Variants in NRXN3 observed in about 807,000 individuals in gnomAD.
The protein encoded by NRXN3 is neurexin 3, also known as neurexin III.
NRXN3 carries 32 observed loss-of-function variants against 137.6 expected under a neutral mutation model. The observed-to-expected ratio is 0.23, with a 90% CI of 0.18 to 0.31. The LOEUF (loss-of-function observed/expected upper bound fraction) is 0.31, where lower values mean the gene tolerates loss of function less well. NRXN3 is among the 10% of genes least tolerant of loss of function. The probability of loss-of-function intolerance (pLI) is 1.00; values close to 1 mark genes in which losing one functional copy is unlikely to be tolerated. For synonymous variants in NRXN3, 798 were observed against 784.5 expected (o/e 1.02, Z -0.29); for missense variants, 1,574 against 2,062.5 (o/e 0.76, Z 4.59).
chr14:78,305,575 A>G (rs1198479501), intron 4 of NRXN3, among the ~76,000 whole-genome samples: 2 of 152,182 alleles, frequency 1.3e-5, no homozygotes, highest in Non-Finnish European at 2.9e-5. Flanking sequence ...TGGTAATAAC[A>G]TTAAGAAAGC....
intron 15 of NRXN3, among the ~76,000 whole-genome samples, chr14:79,152,666 A>G (rs1427624545): frequency 6.6e-6 from 1 of 151,948 alleles, no homozygotes; most frequent in East Asian, 1.9e-4. Flanking sequence ...AAACCATCAG[A>G]TATCTTGAGA....
At chr14:79,252,154 C>T (rs543908616) in intron 15 of NRXN3, among the ~76,000 whole-genome samples, 13 of 152,152 alleles carry the variant, frequency 8.5e-5, no homozygotes, top group Middle Eastern at 3.4e-3. Context: ...TTGTACATTC[C>T]GACGGGTTAA....
chr14:79,777,440 T>C (rs1474114871), intron 19 of NRXN3, among the ~76,000 whole-genome samples: 1 of 150,754 alleles, frequency 6.6e-6, no homozygotes, highest in Non-Finnish European at 1.5e-5. Context: ...TTTCAAACTG[T>C]AGTGCAAGAA....
intron 15 of NRXN3, among the ~76,000 whole-genome samples, chr14:79,340,473 T>C (rs1202607173): frequency 6.6e-6 from 1 of 152,170 alleles, no homozygotes; most frequent in Non-Finnish European, 1.5e-5. Flanking sequence ...TATGTATGTA[T>C]GTATGTTTTG....
intron 10 of NRXN3, among the ~76,000 whole-genome samples, chr14:78,867,689 T>C (rs1335583440): frequency 6.6e-6 from 1 of 152,154 alleles, no homozygotes; most frequent in African/African-American, 2.4e-5. Context: ...TCTGAAAACA[T>C]AGGGACACTG....
At chr14:79,738,956 G>A (rs2098951464) in intron 19 of NRXN3, among the ~76,000 whole-genome samples, 2 of 152,298 alleles carry the variant, frequency 1.3e-5, no homozygotes, top group East Asian at 3.9e-4. Flanking sequence ...AACAGCACCA[G>A]CCAAAGTACA....
At chr14:79,142,146 A>G (rs903500920) in intron 15 of NRXN3, among the ~76,000 whole-genome samples, 12 of 152,190 alleles carry the variant, frequency 7.9e-5, no homozygotes, top group African/African-American at 2.9e-4. Context: ...AAGGGCAGAC[A>G]GGCCAGGCAC....
chr14:78,286,488 G>A (rs1218504663), intron 3 of NRXN3, among the ~76,000 whole-genome samples: 4 of 152,124 alleles, frequency 2.6e-5, no homozygotes, highest in Non-Finnish European at 5.9e-5. Flanking sequence ...CCTGCCTAGG[G>A]AGGTCTGGTA....
At chr14:78,744,622 C>G (rs913448254) in intron 8 of NRXN3, 2 of 152,134 alleles carry the variant, frequency 1.3e-5, no homozygotes, top group Non-Finnish European at 2.9e-5. Context: ...TGTGACTTTT[C>G]TAAAGTCATG....
At chr14:79,353,181 A>T (rs2093288785) in intron 15 of NRXN3, among the ~76,000 whole-genome samples, 1 of 152,026 alleles carries the variant, frequency 6.6e-6, no homozygotes, top group Non-Finnish European at 1.5e-5. Flanking sequence ...CTGAAAATTC[A>T]TTCAATATAA....
intron 10 of NRXN3, among the ~76,000 whole-genome samples, chr14:78,924,206 GC>G (rs1235306998): frequency 1.3e-5 from 2 of 152,218 alleles, no homozygotes; most frequent in Non-Finnish European, 2.9e-5. Flanking sequence ...CCGAGATCGT[GC>G]CATTGCACTC....
chr14:78,319,259 C>T (rs2079051105), intron 4 of NRXN3, among the ~76,000 whole-genome samples: 1 of 152,194 alleles, frequency 6.6e-6, no homozygotes, highest in Non-Finnish European at 1.5e-5. Flanking sequence ...GCCTTCTCAT[C>T]CCCCTTGGAT....
intron 19 of NRXN3, among the ~76,000 whole-genome samples, chr14:79,792,494 A>G (rs2099148383): frequency 6.6e-6 from 1 of 152,244 alleles, no homozygotes; most frequent in South Asian, 2.1e-4. Flanking sequence ...TATACAAACG[A>G]AACACTTTTT....
At chr14:79,260,903 G>A (rs2077489666) in intron 15 of NRXN3, among the ~76,000 whole-genome samples, 1 of 152,126 alleles carries the variant, frequency 6.6e-6, no homozygotes. Flanking sequence ...GGAATTTTAG[G>A]TTAGGATACC....
chr14:78,598,870 T>G (rs1481336090), intron 4 of NRXN3, among the ~76,000 whole-genome samples: 1 of 152,034 alleles, frequency 6.6e-6, no homozygotes, highest in Non-Finnish European at 1.5e-5. Flanking sequence ...AACTGGAAGG[T>G]GGGTCTAGGT....
intron 15 of NRXN3, among the ~76,000 whole-genome samples, chr14:79,397,528 CT>C (rs1434495512): frequency 6.6e-6 from 1 of 152,144 alleles, no homozygotes; most frequent in African/African-American, 2.4e-5. Context: ...GGTTCTATAT[CT>C]ACATCACAGG....
intron 16 of NRXN3, among the ~76,000 whole-genome samples, chr14:79,582,353 A>T (rs762943207): frequency 6.6e-6 from 1 of 152,210 alleles, no homozygotes. Context: ...ATCCAGATTT[A>T]AAAATTCTCA....
intron 4 of NRXN3, among the ~76,000 whole-genome samples, chr14:78,512,585 C>T (rs1386481606): frequency 6.6e-6 from 1 of 152,134 alleles, no homozygotes; most frequent in South Asian, 2.1e-4. Context: ...AAATCAAAAC[C>T]CTTAGGTGGC....
chr14:79,768,500 C>T (rs1409916754), intron 19 of NRXN3, among the ~76,000 whole-genome samples: 1 of 152,160 alleles, frequency 6.6e-6, no homozygotes, highest in African/African-American at 2.4e-5. Context: ...GAGGCACCCC[C>T]CAGCAGGGGC....
Sources: allele counts gnomAD v4.1 joint callset (sites outside exome capture counted in the v4.1 genomes callset), GRCh38; gene constraint gnomAD v4.1.1; transcripts MANE v1.5; gene names NCBI Gene and HGNC (gene_info 2026-07-23, HGNC 2026-07-21).